Variants in SCFD2 observed in about 807,000 individuals in gnomAD.
The protein encoded by SCFD2 is sec1 family domain containing 2, also known as sec1 family domain-containing protein 2.
Under a neutral mutation model 58.9 loss-of-function variants are expected in SCFD2, and 54 were observed. The observed-to-expected ratio is 0.92, with a 90% CI of 0.74 to 1.15. SCFD2 has a LOEUF of 1.15. Ranked by LOEUF, SCFD2 falls within the 50% of genes most tolerant of loss-of-function variation. The probability of loss-of-function intolerance (pLI) is 0.00; values close to 1 mark genes in which losing one functional copy is unlikely to be tolerated. For missense variants in SCFD2, 805 were observed against 836.6 expected, an observed-to-expected ratio of 0.96 and a Z score of 0.47; for synonymous variants, 321 against 335.9, an observed-to-expected ratio of 0.96 and a Z score of 0.49.
At chr4:53,228,271 C>T (rs1221946492) in intron 4 of SCFD2, among the ~76,000 whole-genome samples, 2 of 152,026 alleles carry the variant, frequency 1.3e-5, no homozygotes, top group Admixed American at 6.6e-5. Flanking sequence ...TTACAAAGAA[C>T]AGGGTAAAAA....
intron 5 of SCFD2, among the ~76,000 whole-genome samples, chr4:53,061,077 A>G (rs1723495272): frequency 6.6e-6 from 1 of 152,192 alleles, no homozygotes; most frequent in African/African-American, 2.4e-5. Context: ...TACATAATAG[A>G]AATATAACTC....
chr4:52,887,896 CTTTTTTT>C (rs71195133), intron 7 of SCFD2, among the ~76,000 whole-genome samples: 1 of 81,668 alleles, frequency 1.2e-5, no homozygotes, highest in Admixed American at 1.6e-4. Context: ...ACATCTTATT[CTTTTTTT>C]TTTTTTTTTT....
At chr4:53,277,814 A>C (rs1731373254) in intron 3 of SCFD2, among the ~76,000 whole-genome samples, 1 of 152,032 alleles carries the variant, frequency 6.6e-6, no homozygotes, top group South Asian at 2.1e-4. Flanking sequence ...GCTCTTTGGG[A>C]GGCCGAGGCG....
chr4:53,213,839 T>A (rs568965960), intron 4 of SCFD2, among the ~76,000 whole-genome samples: 1 of 152,204 alleles, frequency 6.6e-6, no homozygotes, highest in Non-Finnish European at 1.5e-5. Flanking sequence ...TGGTGTGTGA[T>A]GTTCCGCTTC....
At chr4:53,140,392 A>AATATATATATATATAT (rs1553880149) in intron 5 of SCFD2, among the ~76,000 whole-genome samples, 2 of 97,496 alleles carry the variant, frequency 2.1e-5, no homozygotes, top group African/African-American at 4.2e-5. Context: ...CAAAAATGCT[A>AATATATATATATATAT]ATATATATAT....
chr4:52,954,536 C>A (rs903232036), intron 5 of SCFD2, among the ~76,000 whole-genome samples: 20 of 151,980 alleles, frequency 1.3e-4, no homozygotes, highest in Admixed American at 6.6e-5. Flanking sequence ...TTTGGTAGGT[C>A]AAAAATGGCT....
At chr4:53,234,968 G>A (rs573230222) in intron 4 of SCFD2, among the ~76,000 whole-genome samples, 2 of 152,200 alleles carry the variant, frequency 1.3e-5, no homozygotes, top group Non-Finnish European at 2.9e-5. Context: ...TGAGATAACC[G>A]ACCACGGTCT....
At chr4:53,247,787 G>C (rs912623743) in intron 4 of SCFD2, among the ~76,000 whole-genome samples, 1 of 141,458 alleles carries the variant, frequency 7.1e-6, no homozygotes, top group East Asian at 2.1e-4. Context: ...CGTGAACCCG[G>C]GAAGCGGAGC....
intron 5 of SCFD2, among the ~76,000 whole-genome samples, chr4:53,044,011 T>G (rs2148826226): frequency 6.6e-6 from 1 of 152,208 alleles, no homozygotes; most frequent in Non-Finnish European, 1.5e-5. Flanking sequence ...GAACTTGCCT[T>G]TGAGCTGCAA....
In SCFD2 at chr4:53,169,873, T is replaced by C. The variant is rs530966060; in HGVS notation, c.1312-24291A>G. Among the ~76,000 whole-genome samples, 4 of 152,340 alleles carry C rather than the reference T, an allele frequency of 2.6e-5. No homozygotes were observed. In the South Asian group the frequency reaches 6.2e-4, roughly 24 times the overall value. ...CTGTTCAGGTCCCATTCCCATTCGT[T>C]AATTGGATTGTTTCTTACCATTGAG... is the stretch of plus-strand genomic sequence containing the variant. On this transcript the variant is annotated intron_variant, in intron 4 of 8. Coordinates refer to ENST00000401642, the MANE Select transcript of SCFD2 (RefSeq NM_152540.4).
chr4:52,992,043 T>C (rs1306570430), intron 5 of SCFD2, among the ~76,000 whole-genome samples: 2 of 151,964 alleles, frequency 1.3e-5, no homozygotes, highest in Admixed American at 1.3e-4. Context: ...CTCCCCGCAG[T>C]CTCCCTCTCC....
At chr4:53,338,191 G>A (rs4571396) in intron 2 of SCFD2, among the ~76,000 whole-genome samples, 71,533 of 152,056 alleles carry the variant, frequency 0.47, 18,070 homozygotes, top group Admixed American at 0.55. Flanking sequence ...TAATACATTT[G>A]TATTGTTTTA....
At chr4:53,331,794 T>C (rs376017517) in intron 2 of SCFD2, among the ~76,000 whole-genome samples, 2 of 151,798 alleles carry the variant, frequency 1.3e-5, no homozygotes, top group Non-Finnish European at 2.9e-5. Flanking sequence ...TTCAAAAAAT[T>C]AATGAATCCA....
intron 5 of SCFD2, among the ~76,000 whole-genome samples, chr4:53,038,689 T>G (rs1224531663): frequency 2.0e-5 from 3 of 151,688 alleles, no homozygotes; most frequent in African/African-American, 7.3e-5. Context: ...CATTTAAAGT[T>G]TTTTGTTTTT....
intron 4 of SCFD2, among the ~76,000 whole-genome samples, chr4:53,171,416 A>T (rs955651785): frequency 6.6e-6 from 1 of 152,194 alleles, no homozygotes; most frequent in Non-Finnish European, 1.5e-5. Context: ...TCAGTTTGCT[A>T]CTACTGCATT....
At chr4:53,283,118 A>AG (rs1731556192) in intron 3 of SCFD2, among the ~76,000 whole-genome samples, 1 of 152,216 alleles carries the variant, frequency 6.6e-6, no homozygotes, top group Admixed American at 6.5e-5. Context: ...CACCAACCAG[A>AG]GCAAGGTATA....
chr4:52,976,053 TAGG>T (rs1286443530), intron 5 of SCFD2, among the ~76,000 whole-genome samples: 1 of 147,190 alleles, frequency 6.8e-6, no homozygotes, highest in Non-Finnish European at 1.5e-5. Context: ...GGGATAGTAT[TAGG>T]AGATATACCT....
chr4:53,357,203 C>T (rs1314735317), intron 1 of SCFD2, among the ~76,000 whole-genome samples: 1 of 152,020 alleles, frequency 6.6e-6, no homozygotes, highest in African/African-American at 2.4e-5. Flanking sequence ...GGGAGGGTCA[C>T]TTGAGGTCAG....
chr4:52,880,082 G>A (rs1718571596), intron 8 of SCFD2, among the ~76,000 whole-genome samples: 1 of 152,106 alleles, frequency 6.6e-6, no homozygotes, highest in African/African-American at 2.4e-5. Context: ...TAGCCTTACT[G>A]AAAAACCTGG....
Sources: allele counts gnomAD v4.1 joint callset (sites outside exome capture counted in the v4.1 genomes callset), GRCh38; gene constraint gnomAD v4.1.1; transcripts MANE v1.5; gene names NCBI Gene and HGNC (gene_info 2026-07-23, HGNC 2026-07-21).